UBE3C: variants seen among roughly 807,000 people sequenced by gnomAD.
The protein encoded by UBE3C is ubiquitin-protein ligase E3C.
Under a neutral mutation model 129.4 loss-of-function variants are expected in UBE3C, and 42 were observed. That is an observed-to-expected ratio of 0.32 (90% CI 0.25 to 0.42). UBE3C has a LOEUF of 0.42. UBE3C is among the 10% of genes least tolerant of loss of function. UBE3C has a pLI of 1.00. For synonymous variants in UBE3C, 510 were observed against 492.4 expected (o/e 1.04, Z -0.47); for missense variants, 1,049 against 1,319.1 (o/e 0.80, Z 3.17).
At chr7:157,266,323 A>G (rs1322611290) in intron 22 of UBE3C, among the ~76,000 whole-genome samples, 2 of 152,218 alleles carry the variant, frequency 1.3e-5, no homozygotes, top group African/African-American at 4.8e-5. Context: ...CAAAAAAATA[A>G]ATAAATAAAA....
intron 17 of UBE3C, 74 bp from the exon 18 acceptor site, chr7:157,231,006 T>TC (rs1796009314): frequency 6.4e-7 from 1 of 1,571,854 alleles, no homozygotes; most frequent in Admixed American, 1.8e-5. Flanking sequence ...CCTTAAGCCT[T>TC]CCTGTAAGGC....
chr7:157,232,321 T>G (rs1796042908), intron 18 of UBE3C, among the ~76,000 whole-genome samples: 1 of 152,202 alleles, frequency 6.6e-6, no homozygotes, highest in African/African-American at 2.4e-5. Flanking sequence ...GGGTGACATT[T>G]ATAAAGTTGA....
chr7:157,202,986 G>A (rs907882804), intron 11 of UBE3C, among the ~76,000 whole-genome samples: 6 of 152,216 alleles, frequency 3.9e-5, no homozygotes, highest in African/African-American at 1.4e-4. Flanking sequence ...CTAACTTGCT[G>A]TGTGCAGTCA....
At chr7:157,196,651 T>C (rs1809127622) in intron 10 of UBE3C, among the ~76,000 whole-genome samples, 1 of 152,194 alleles carries the variant, frequency 6.6e-6, no homozygotes, top group Admixed American at 6.5e-5. Context: ...ATGCTGTTGC[T>C]GTTTATCATA....
At chr7:157,190,941 A>G (rs1808946266) in intron 10 of UBE3C, among the ~76,000 whole-genome samples, 2 of 152,114 alleles carry the variant, frequency 1.3e-5, no homozygotes, top group African/African-American at 2.4e-5. Flanking sequence ...AGTCTCTTCC[A>G]GTTAATGTCT....
At chr7:157,210,708 G>A (rs758193345) in intron 13 of UBE3C, among the ~76,000 whole-genome samples, 5 of 152,168 alleles carry the variant, frequency 3.3e-5, no homozygotes, top group Admixed American at 2.0e-4. Flanking sequence ...ACCAAAGAAC[G>A]CAGAAGCGTT....
At chr7:157,141,095 G>A (rs1299844754) in intron 1 of UBE3C, among the ~76,000 whole-genome samples, 3 of 152,170 alleles carry the variant, frequency 2.0e-5, no homozygotes, top group Non-Finnish European at 4.4e-5. Context: ...TCCGGGATGA[G>A]GGTGGGAGTG....
At chr7:157,213,433 G>C (rs1045646835) in intron 13 of UBE3C, among the ~76,000 whole-genome samples, 2 of 152,236 alleles carry the variant, frequency 1.3e-5, no homozygotes, top group Non-Finnish European at 2.9e-5. Context: ...AGTGCTCCAG[G>C]TGATTCTAAA....
intron 10 of UBE3C, among the ~76,000 whole-genome samples, chr7:157,194,025 A>T (rs891695618): frequency 6.6e-6 from 1 of 152,268 alleles, no homozygotes; most frequent in African/African-American, 2.4e-5. Context: ...AAATAATTTT[A>T]CAAGGTTTGG....
chr7:157,251,460 G>A (rs915028017), intron 19 of UBE3C, among the ~76,000 whole-genome samples: 2 of 152,170 alleles, frequency 1.3e-5, no homozygotes, highest in Non-Finnish European at 2.9e-5. Flanking sequence ...CTTGAGTCAC[G>A]ACACCTTGGT....
At chr7:157,252,603 A>G (rs527719495) in intron 19 of UBE3C, among the ~76,000 whole-genome samples, 1 of 152,368 alleles carries the variant, frequency 6.6e-6, no homozygotes, top group East Asian at 1.9e-4. Flanking sequence ...CGAGTCTCCT[A>G]TAACCATCAG....
At chr7:157,191,077 T>A (rs995938191) in intron 10 of UBE3C, among the ~76,000 whole-genome samples, 8 of 152,226 alleles carry the variant, frequency 5.3e-5, no homozygotes, top group African/African-American at 1.7e-4. Flanking sequence ...GCCCGTAGTT[T>A]CATTTAAATA....
At chr7:157,260,491 C>T (rs1355491227) in intron 22 of UBE3C, among the ~76,000 whole-genome samples, 2 of 152,128 alleles carry the variant, frequency 1.3e-5, no homozygotes, top group Non-Finnish European at 2.9e-5. Context: ...TGTGTGGTGG[C>T]AGAGTCTGGA....
intron 17 of UBE3C, among the ~76,000 whole-genome samples, chr7:157,230,020 G>A (rs190335954): frequency 4.0e-5 from 6 of 151,658 alleles, no homozygotes; most frequent in African/African-American, 1.2e-4. Flanking sequence ...GTGATTCTCC[G>A]GCCTCAGCCA....
intron 1 of UBE3C, among the ~76,000 whole-genome samples, chr7:157,148,983 G>A (rs1807682599): frequency 1.3e-5 from 2 of 152,078 alleles, no homozygotes; most frequent in Admixed American, 1.3e-4. Context: ...TTGTTCCTTC[G>A]AATACAGTTA....
Position 157,216,979 on chromosome 7 carries a change from T to C in UBE3C, c.1914+8T>C. ...GATATTAAAGCAGATAAGGTGTTATTGAAAGATCTTTTTAATATTTATCAT... is the reference window on the plus strand; with the variant it reads ...GATATTAAAGCAGATAAGGTGTTATCGAAAGATCTTTTTAATATTTATCAT... On this transcript the variant is annotated splice_region_variant and intron_variant, in intron 14 of 22. Coordinates refer to ENST00000348165, the MANE Select transcript of UBE3C (RefSeq NM_014671.3). The C allele has an allele frequency of 6.3e-7, 1 of 1,597,770 alleles. No homozygotes were observed. Among genetic ancestry groups the C allele is most frequent in the Non-Finnish European group, 8.6e-7 (1 of 1,167,456 alleles).
intron 18 of UBE3C, among the ~76,000 whole-genome samples, chr7:157,244,261 A>G (rs1374668178): frequency 1.3e-5 from 2 of 152,224 alleles, no homozygotes; most frequent in East Asian, 3.9e-4. Flanking sequence ...GATGAGGTAT[A>G]TCTCCTGCCC....
intron 1 of UBE3C, among the ~76,000 whole-genome samples, chr7:157,150,909 GCT>G (rs1807739463): frequency 6.6e-6 from 1 of 152,200 alleles, no homozygotes; most frequent in Non-Finnish European, 1.5e-5. Context: ...CTACTTCTGC[GCT>G]GGCCTGTTCA....
rs896220085 is a variant in UBE3C at position 157,233,403 on chromosome 7, C to T, written c.2481+2076C>T. ...AGGAGGCCTCCTGCTTTCAGCCTCC[C>T]GAGTAGCTGGGACCACCGTTGCTTG... On this transcript the variant is annotated intron_variant, in intron 18 of 22. Coordinates refer to ENST00000348165, the MANE Select transcript of UBE3C (RefSeq NM_014671.3). Among the ~76,000 whole-genome samples, 3 of 152,096 alleles carry T rather than the reference C, an allele frequency of 2.0e-5. No individual in the cohort carries two copies. The East Asian group carries it at 5.8e-4, about 29-fold the overall frequency.
Sources: gnomAD v4.1 joint callset for allele counts (sites outside exome capture counted in the v4.1 genomes callset) on GRCh38, gnomAD v4.1.1 for gene constraint, MANE v1.5 for transcripts, NCBI Gene and HGNC (gene_info 2026-07-23, HGNC 2026-07-21) for gene names.